The following CUL4B variants were observed in gnomAD, a reference collection of about 807,000 sequenced individuals.
CUL4B encodes cullin 4B.
CUL4B carries 1 observed loss-of-function variant against 69.2 expected under a neutral mutation model. The ratio of observed to expected loss-of-function variants is 0.01; its 90% confidence interval spans 0.01 to 0.07. The LOEUF is 0.07. Ranked by LOEUF, CUL4B falls within the 10% of genes least tolerant of loss-of-function variation. The pLI is 1.00. For synonymous variants in CUL4B, 237 were observed against 223.2 expected (o/e 1.06, Z -0.55); for missense variants, 328 against 638.8 (o/e 0.51, Z 5.24).
chrX:120,544,831 C>A (rs1174352110), intron 5 of CUL4B, among the ~76,000 whole-genome samples, 188 bp from the exon 6 acceptor site: 1 of 112,363 alleles, frequency 8.9e-6, no homozygotes, highest in Non-Finnish European at 1.9e-5. Context: ...ACAGGAAACT[C>A]ATTTTGCCTT....
In CUL4B at chrX:120,526,859, G is replaced by A. The variant is rs1922996975; in HGVS notation, c.2593-3C>T. Reference sequence around the variant, plus strand: ...ATTCTCTTCTTAAGATCAGCAGGCTGTAAGAGAAGGCAAATTTTCAATGTA... The same window carrying A: ...ATTCTCTTCTTAAGATCAGCAGGCTATAAGAGAAGGCAAATTTTCAATGTA... On this transcript the variant is annotated splice_region_variant and splice_polypyrimidine_tract_variant and intron_variant, in intron 19 of 19. Coordinates refer to ENST00000371322, the MANE Select transcript of CUL4B (RefSeq NM_001079872.2). The A allele has an allele frequency of 4.5e-6, 5 of 1,122,228 alleles. No individual in the cohort carries two copies. The highest frequency in any genetic ancestry group is 6.1e-6 in the Non-Finnish European group (5 of 819,308). The allele number at this position is 1,122,228 out of a possible 1,213,427, so 92.5% of individuals were successfully genotyped here. A position where few individuals can be genotyped will look rare whatever the true frequency, so the allele number is the denominator to read the frequency against.
At chrX:120,553,315 C>T (rs922296626) in intron 2 of CUL4B, among the ~76,000 whole-genome samples, 5 of 111,843 alleles carry the variant, frequency 4.5e-5, no homozygotes, top group Non-Finnish European at 9.4e-5. Context: ...TTAATAATCA[C>T]TGACTGCTTA....
chrX:120,529,035 A>T (rs1401899377), intron 19 of CUL4B, among the ~76,000 whole-genome samples: 2 of 111,751 alleles, frequency 1.8e-5, no homozygotes, highest in Non-Finnish European at 3.8e-5. Flanking sequence ...AGCAGTGAAA[A>T]TTTTATCCAG....
chrX:120,546,491 T>C lies in CUL4B; in HGVS notation c.846+56A>G, dbSNP rs184297076. On this transcript the variant is annotated intron_variant, in intron 4 of 19. Transcript: ENST00000371322. ...ACTAACATTCCTGTATTTGAAGAAA[T>C]GTTTTTAACTATTAATACAATGTTT... The C allele has an allele frequency of 1.7e-4, 165 of 954,043 alleles. 1 individual carries two copies. The African/African-American group carries it at 2.8e-3, about 16-fold the overall frequency. 78.6% of individuals were successfully genotyped at this position (954,043 alleles called of 1,213,427 possible). A position where few individuals can be genotyped will look rare whatever the true frequency, so the allele number is the denominator to read the frequency against.
chrX:120,536,898 A>AT (rs754500087), intron 15 of CUL4B, 29 bp downstream of exon 15: 1 of 992,232 alleles, frequency 1.0e-6, no homozygotes, highest in East Asian at 3.0e-5. Context: ...TTCTATGCCT[A>AT]TAACTCAGTT....
intron 15 of CUL4B, among the ~76,000 whole-genome samples, chrX:120,536,631 C>T (rs1923687310): frequency 8.9e-6 from 1 of 112,081 alleles, no homozygotes; most frequent in Admixed American, 9.5e-5. Flanking sequence ...CTTAACTGGA[C>T]TTCTAAGTAC....
intron 18 of CUL4B, among the ~76,000 whole-genome samples, chrX:120,531,431 A>C (rs1923308269): frequency 1.8e-5 from 2 of 109,320 alleles, no homozygotes; most frequent in Admixed American, 9.8e-5. Flanking sequence ...AATGGCAAAA[A>C]CAAACAAAAT....
Position 120,541,928 on chromosome X carries a change from C to T in CUL4B, c.1325-208G>A, listed in dbSNP as rs756530686. On this transcript the variant is annotated intron_variant, in intron 9 of 19. Transcript: ENST00000371322. ...AAAAACTAAATATAGAGACTTTAGTCGCTATAAAAATAAAAACAGGCCAGG... is the reference window on the plus strand; with the variant it reads ...AAAAACTAAATATAGAGACTTTAGTTGCTATAAAAATAAAAACAGGCCAGG... 1.1e-4 allele frequency among the ~76,000 whole-genome samples: 12 copies of T among 110,321 alleles called. No individual in the cohort carries two copies. The South Asian group carries it at 2.3e-3, about 21-fold the overall frequency.
At chrX:120,528,858 T>C (rs1488405724) in intron 19 of CUL4B, among the ~76,000 whole-genome samples, 12 of 112,487 alleles carry the variant, frequency 1.1e-4, no homozygotes, top group African/African-American at 3.9e-4. Flanking sequence ...CTTGTAGCTT[T>C]ATCTTCATGA....
chrX:120,542,126 T>C (rs1924029014), intron 9 of CUL4B, among the ~76,000 whole-genome samples: 1 of 111,637 alleles, frequency 9.0e-6, no homozygotes, highest in African/African-American at 3.3e-5. Flanking sequence ...GTTAACTCCA[T>C]AATGGTTTGT....
intron 2 of CUL4B, among the ~76,000 whole-genome samples, chrX:120,555,898 C>T (rs1016135661): frequency 2.0e-5 from 2 of 99,931 alleles, no homozygotes; most frequent in Non-Finnish European, 4.0e-5. Flanking sequence ...GCCGAGATCA[C>T]GCCACTGCAC....
At chrX:120,561,272 G>A (rs1422183221), upstream of CUL4B, 2 of 524,721 alleles carry the variant, frequency 3.8e-6, no homozygotes, top group South Asian at 2.5e-5. Context: ...TCCCCTTCGC[G>A]ATCCCCTTTC....
intron 1 of CUL4B, 22 bp downstream of exon 1, chrX:120,560,061 T>C (rs761320364): frequency 1.6e-5 from 19 of 1,209,594 alleles, no homozygotes; most frequent in Non-Finnish European, 1.9e-5. Flanking sequence ...ATTAGGTGAT[T>C]ATGGATTTTG....
chrX:120,550,448 A>G (rs928387826), intron 2 of CUL4B, among the ~76,000 whole-genome samples: 5 of 111,796 alleles, frequency 4.5e-5, no homozygotes, highest in Non-Finnish European at 7.5e-5. Flanking sequence ...TGATGAGGAT[A>G]AGCAGAGAGA....
chrX:120,545,213 G>A (rs369001194), intron 5 of CUL4B, among the ~76,000 whole-genome samples: 1 of 111,550 alleles, frequency 9.0e-6, no homozygotes, highest in Non-Finnish European at 1.9e-5. Context: ...TAGTCCCCTC[G>A]GCTAACAAAA....
chrX:120,556,301 T>G (rs943987485), intron 2 of CUL4B, among the ~76,000 whole-genome samples: 1 of 111,841 alleles, frequency 8.9e-6, no homozygotes, highest in Non-Finnish European at 1.9e-5. Context: ...TGCACTGATT[T>G]GAGTATTTTG....
At chrX:120,572,237 G>A (rs1166959531) in intron 2 of CUL4B, among the ~76,000 whole-genome samples, 1 of 109,565 alleles carries the variant, frequency 9.1e-6, no homozygotes, top group Admixed American at 9.9e-5. Flanking sequence ...GCCAAGGCAG[G>A]TGGGTCACTT....
chrX:120,540,232 T>C lies in CUL4B; in HGVS notation c.1636+138A>G, dbSNP rs1923910384. The stretch of plus-strand genomic sequence containing the variant: ...ACATCCAGGTTTTTAGAAACACTCT[T>C]CAAACTTGATATACCAGCTAAGCAA... On this transcript the variant is annotated intron_variant, in intron 11 of 19. Coordinates refer to ENST00000371322, the MANE Select transcript of CUL4B (RefSeq NM_001079872.2). The C allele has an allele frequency of 1.5e-5, 8 of 545,765 alleles. 1 individual carries two copies. The highest frequency in any genetic ancestry group is 5.7e-5 in the South Asian group (2 of 35,291). 45.0% of individuals were successfully genotyped at this position (545,765 alleles called of 1,213,427 possible). A position where few individuals can be genotyped will look rare whatever the true frequency, so the allele number is the denominator to read the frequency against.
At position 120,560,791 on chromosome X, in the gene CUL4B, C is replaced by G; in HGVS notation, c.-153G>C. On this transcript the variant is annotated 5_prime_UTR_variant, in exon 1 of 20. Transcript: ENST00000371322. Reference sequence around the variant, plus strand: ...ACGAGAAGGAAAGTGAAGGGGGGGGCTACACCGGGGGAATGGGAGGGTTTG... The same window carrying G: ...ACGAGAAGGAAAGTGAAGGGGGGGGGTACACCGGGGGAATGGGAGGGTTTG... The G allele has an allele frequency of 3.2e-6, 3 of 925,321 alleles. No individual in the cohort carries two copies. Among genetic ancestry groups the G allele is most frequent in the Non-Finnish European group, 4.0e-6 (3 of 751,620 alleles). The allele number at this position is 925,321 out of a possible 1,213,427, so 76.3% of individuals were successfully genotyped here. A position where few individuals can be genotyped will look rare whatever the true frequency, so the allele number is the denominator to read the frequency against.
Sources: allele counts gnomAD v4.1 joint callset (sites outside exome capture counted in the v4.1 genomes callset), GRCh38; gene constraint gnomAD v4.1.1; transcripts MANE v1.5; gene names NCBI Gene and HGNC (gene_info 2026-07-23, HGNC 2026-07-21).